ATP10A: variants seen among roughly 807,000 people sequenced by gnomAD.
The protein encoded by ATP10A is ATPase phospholipid transporting 10A (putative).
Under a neutral mutation model 147.8 loss-of-function variants are expected in ATP10A, and 111 were observed. The observed-to-expected ratio is 0.75, with a 90% confidence interval of 0.64 to 0.88. The LOEUF (loss-of-function observed/expected upper bound fraction) is 0.88. Ranked by LOEUF, ATP10A falls within the 40% of genes least tolerant of loss-of-function variation. ATP10A has a pLI of 0.00. For synonymous variants in ATP10A, 875 were observed against 841.6 expected (o/e 1.04, Z -0.69); for missense variants, 1,927 against 1,959.0 (o/e 0.98, Z 0.31).
intron 1 of ATP10A, among the ~76,000 whole-genome samples, chr15:25,827,432 A>AT (rs771909789): frequency 6.6e-6 from 1 of 152,338 alleles, no homozygotes; most frequent in South Asian, 2.1e-4. Flanking sequence ...ATAAAGCAAC[A>AT]TTTACAAATC....
chr15:25,702,658 A>T (rs1338987162), intron 12 of ATP10A, among the ~76,000 whole-genome samples: 1 of 152,206 alleles, frequency 6.6e-6, no homozygotes, highest in African/African-American at 2.4e-5. Flanking sequence ...TTCCACAAAC[A>T]TAAAGAAGTT....
chr15:25,826,702 C>T (rs953887905), intron 1 of ATP10A, among the ~76,000 whole-genome samples: 5 of 152,022 alleles, frequency 3.3e-5, no homozygotes, highest in South Asian at 2.1e-4. Flanking sequence ...GGCTGAAGCA[C>T]GAGAATCATT....
chr15:25,838,232 C>CA (rs34558573), intron 1 of ATP10A, among the ~76,000 whole-genome samples: 1 of 152,172 alleles, frequency 6.6e-6, no homozygotes. Flanking sequence ...CCAACACACT[C>CA]AAAAAAGTGC....
rs1326980057 is a variant in ATP10A, at chr15:25,680,873, G to A, written c.3615C>T (p.Thr1205=). ...TGAGCAGCGCGATTGTCACAATAGG[G>A]GTCCCCCAGGTAAACAGGTCCACGT... ...DSNVDLFTWG[T]PIVTIALLTF... Residue 1205 remains threonine (T), a synonymous_variant, in exon 19 of 21, where the codon ACC becomes ACT. Coordinates refer to ENST00000555815, the MANE Select transcript of ATP10A (RefSeq NM_024490.4). 13 of 1,614,080 alleles carry A rather than the reference G, an allele frequency of 8.1e-6. No homozygotes were observed. The highest frequency in any genetic ancestry group is 1.0e-5 in the Non-Finnish European group (12 of 1,180,022).
chr15:25,845,204 G>C (rs1892962726), intron 1 of ATP10A, among the ~76,000 whole-genome samples: 1 of 152,206 alleles, frequency 6.6e-6, no homozygotes, highest in Admixed American at 6.5e-5. Context: ...ATCTGGGCAC[G>C]CACAAGGGAC....
At chr15:25,704,096 G>A (rs1410486948) in intron 12 of ATP10A, among the ~76,000 whole-genome samples, 1 of 152,204 alleles carries the variant, frequency 6.6e-6, no homozygotes, top group African/African-American at 2.4e-5. Context: ...TGGCCCTTGG[G>A]CTCTAGTAGG....
intron 1 of ATP10A, among the ~76,000 whole-genome samples, chr15:25,854,066 A>G (rs138363416): frequency 3.3e-5 from 5 of 152,300 alleles, no homozygotes; most frequent in Admixed American, 3.3e-4. Flanking sequence ...TAAATCCACA[A>G]ATTCATAATA....
intron 1 of ATP10A, among the ~76,000 whole-genome samples, chr15:25,845,438 C>G (rs556368460): frequency 3.9e-5 from 6 of 152,112 alleles, no homozygotes; most frequent in Non-Finnish European, 7.3e-5. Context: ...CTCCCCGGAA[C>G]TGTTTTGCAT....
chr15:25,721,011 A>G (rs951828697), intron 7 of ATP10A, among the ~76,000 whole-genome samples: 19 of 152,176 alleles, frequency 1.2e-4, no homozygotes, highest in African/African-American at 4.6e-4. Context: ...CTGCAGCCCC[A>G]GGCACAGTGG....
intron 2 of ATP10A, among the ~76,000 whole-genome samples, chr15:25,772,941 C>T (rs1889412882): frequency 6.6e-6 from 1 of 152,168 alleles, no homozygotes; most frequent in Admixed American, 6.5e-5. Context: ...TTAAAAGTCT[C>T]ACTGGGGTTC....
At chr15:25,695,303 C>G (rs565182170) in intron 13 of ATP10A, among the ~76,000 whole-genome samples, 157 bp from the exon 14 acceptor site, 1 of 152,124 alleles carries the variant, frequency 6.6e-6, no homozygotes, top group Non-Finnish European at 1.5e-5. Flanking sequence ...GAAGTTCAGC[C>G]GGAGAGGATG....
intron 12 of ATP10A, among the ~76,000 whole-genome samples, chr15:25,705,280 T>G (rs549002180): frequency 6.6e-6 from 1 of 151,482 alleles, no homozygotes; most frequent in Non-Finnish European, 1.5e-5. Flanking sequence ...CAAAAAAAAG[T>G]AAAAATTTAT....
At chr15:25,684,010 G>C (rs1274964568) in intron 16 of ATP10A, 2 of 154,936 alleles carry the variant, frequency 1.3e-5, no homozygotes, top group Admixed American at 1.3e-4. Context: ...CTGAGGGGAG[G>C]ACACACAAAA....
chr15:25,720,308 TATG>T (rs1354407401), intron 7 of ATP10A, among the ~76,000 whole-genome samples: 1 of 152,208 alleles, frequency 6.6e-6, no homozygotes, highest in Admixed American at 6.5e-5. Context: ...ATCATGTTTT[TATG>T]ATGAGACAGT....
At chr15:25,790,447 G>A (rs756088607) in intron 1 of ATP10A, among the ~76,000 whole-genome samples, 2 of 152,222 alleles carry the variant, frequency 1.3e-5, no homozygotes, top group Non-Finnish European at 1.5e-5. Flanking sequence ...TCTGTGGTAA[G>A]TCAGAAAGGG....
At chr15:25,739,923 C>T (rs942833097) in intron 2 of ATP10A, among the ~76,000 whole-genome samples, 4 of 152,178 alleles carry the variant, frequency 2.6e-5, no homozygotes, top group Admixed American at 2.0e-4. Context: ...CTAGAGACCG[C>T]AGCAGCAGGT....
At chr15:25,853,387 C>T (rs1893372794) in intron 1 of ATP10A, among the ~76,000 whole-genome samples, 1 of 152,206 alleles carries the variant, frequency 6.6e-6, no homozygotes, top group Admixed American at 6.5e-5. Flanking sequence ...CACCCAGCCC[C>T]TTTTCAACCT....
intron 16 of ATP10A, among the ~76,000 whole-genome samples, chr15:25,686,216 G>T (rs1042105023): frequency 7.2e-5 from 11 of 152,244 alleles, no homozygotes; most frequent in Non-Finnish European, 1.6e-4. Context: ...GTGTGAAGGG[G>T]AAAGAGAGGT....
intron 3 of ATP10A, among the ~76,000 whole-genome samples, chr15:25,729,101 C>T (rs972802290): frequency 6.6e-6 from 1 of 152,232 alleles, no homozygotes; most frequent in Non-Finnish European, 1.5e-5. Context: ...ACCGTGTCCC[C>T]TCAGAATTCA....
Sources: gnomAD v4.1 joint callset for allele counts (sites outside exome capture counted in the v4.1 genomes callset) on GRCh38, gnomAD v4.1.1 for gene constraint, MANE v1.5 for transcripts, NCBI Gene and HGNC (gene_info 2026-07-23, HGNC 2026-07-21) for gene names.